Variants in TBC1D1 observed in about 807,000 individuals in gnomAD.
The protein encoded by TBC1D1 is TBC1 domain family member 1.
TBC1D1 carries 89 observed loss-of-function variants against 125.6 expected under a neutral mutation model. That is an observed-to-expected ratio of 0.71 (90% CI 0.60 to 0.85). TBC1D1 has a LOEUF of 0.85. Among genes scored for constraint, TBC1D1 ranks in the 40% least tolerant of loss-of-function variants. The probability of loss-of-function intolerance (pLI) is 0.00; values close to 1 mark genes in which losing one functional copy is unlikely to be tolerated. For synonymous variants in TBC1D1, 565 were observed against 564.1 expected (o/e 1.00, Z -0.02); for missense variants, 1,377 against 1,469.2 (o/e 0.94, Z 1.03).
chr4:38,112,526 A>C (rs1334304360), intron 15 of TBC1D1, among the ~76,000 whole-genome samples: 1 of 152,062 alleles, frequency 6.6e-6, no homozygotes, highest in Non-Finnish European at 1.5e-5. Context: ...TGTACTCTCC[A>C]CTCTGCAAAC....
At chr4:38,097,226 G>C (rs540616678) in intron 14 of TBC1D1, among the ~76,000 whole-genome samples, 6 of 152,026 alleles carry the variant, frequency 3.9e-5, no homozygotes, top group Non-Finnish European at 8.8e-5. Flanking sequence ...GCAATGGCGC[G>C]ATCTCAGCTC....
At chr4:37,999,101 T>C (rs1030202781) in intron 2 of TBC1D1, among the ~76,000 whole-genome samples, 2 of 151,908 alleles carry the variant, frequency 1.3e-5, no homozygotes, top group Admixed American at 6.6e-5. Context: ...ATACAAAAAT[T>C]AGTCGGGTGT....
rs111739601 is a variant in TBC1D1, at chr4:38,002,569, A to G, written c.418-11940A>G. Among the ~76,000 whole-genome samples, 253 of 152,312 alleles carry G rather than the reference A, an allele frequency of 1.7e-3. 2 individuals are homozygous for G. Among genetic ancestry groups the G allele is most frequent in the African/African-American group, 5.0e-3 (206 of 41,564 alleles). On this transcript the variant is annotated intron_variant, in intron 2 of 19. Coordinates refer to ENST00000261439, the MANE Select transcript of TBC1D1 (RefSeq NM_015173.4). Reference sequence around the variant, plus strand: ...AGTCATTAGATCGTTTTGCATTGCAATCATTTATACATTGAGCAGACTTAT... The same window carrying G: ...AGTCATTAGATCGTTTTGCATTGCAGTCATTTATACATTGAGCAGACTTAT...
chr4:38,050,336 G>T (rs1345034818), intron 11 of TBC1D1, among the ~76,000 whole-genome samples: 4 of 152,168 alleles, frequency 2.6e-5, no homozygotes, highest in Non-Finnish European at 5.9e-5. Flanking sequence ...TCAGCTTCTG[G>T]TCCTAGCTCT....
intron 1 of TBC1D1, among the ~76,000 whole-genome samples, chr4:37,895,533 A>T (rs1357195220): frequency 6.6e-6 from 1 of 151,908 alleles, no homozygotes. Context: ...ACGAAATCTC[A>T]TCTCTACCAA....
intron 2 of TBC1D1, among the ~76,000 whole-genome samples, chr4:37,951,349 A>T (rs946753899): frequency 2.6e-5 from 4 of 152,092 alleles, no homozygotes; most frequent in African/African-American, 9.7e-5. Context: ...GGGTGATGGA[A>T]CCTGGGAGTT....
chr4:38,081,604 C>T (rs1756571759), intron 12 of TBC1D1, among the ~76,000 whole-genome samples: 1 of 151,904 alleles, frequency 6.6e-6, no homozygotes, highest in Non-Finnish European at 1.5e-5. Flanking sequence ...AAGATTTTGC[C>T]AAATAGATTA....
chr4:38,063,807 T>TAC (rs1423386035), intron 12 of TBC1D1, among the ~76,000 whole-genome samples: 2 of 152,252 alleles, frequency 1.3e-5, no homozygotes, highest in Non-Finnish European at 2.9e-5. Flanking sequence ...TTTTATATGT[T>TAC]TACTAGAGAC....
intron 2 of TBC1D1, among the ~76,000 whole-genome samples, chr4:37,911,290 C>A (rs940048895): frequency 1.3e-5 from 2 of 152,134 alleles, no homozygotes; most frequent in Non-Finnish European, 2.9e-5. Flanking sequence ...AGCTAAATCT[C>A]TTGTTTCTCG....
rs561208235 is a variant in TBC1D1, at chr4:37,906,144, C to G, written c.417+3632C>G. Among the ~76,000 whole-genome samples, 4 of 149,868 alleles carry G rather than the reference C, an allele frequency of 2.7e-5. No homozygotes were observed. The South Asian group carries it at 8.3e-4, about 31-fold the overall frequency. On this transcript the variant is annotated intron_variant, in intron 2 of 19. Transcript: ENST00000261439. ...CATCTTCAATATTGTCTCGTCCCTT[C>G]TTTTTCTTTTCCCCCCCGCTTGAGA...
At chr4:38,043,296 T>TA (rs989119002) in intron 8 of TBC1D1, among the ~76,000 whole-genome samples, 93 of 148,926 alleles carry the variant, frequency 6.2e-4, no homozygotes, top group South Asian at 1.5e-3. Flanking sequence ...TGTTGCATAT[T>TA]AAAAAAAAAA....
intron 12 of TBC1D1, among the ~76,000 whole-genome samples, chr4:38,064,224 T>TCCTTTAC (rs1185322065): frequency 2.0e-5 from 3 of 152,252 alleles, no homozygotes; most frequent in Non-Finnish European, 4.4e-5. Flanking sequence ...ATATGGTTTA[T>TCCTTTAC]CCTTTACCAG....
chr4:37,983,355 T>C (rs999813441), intron 2 of TBC1D1, among the ~76,000 whole-genome samples: 3 of 152,034 alleles, frequency 2.0e-5, no homozygotes, highest in Non-Finnish European at 4.4e-5. Flanking sequence ...CCTCGTGATC[T>C]ACCTGCCTCG....
At chr4:38,004,168 C>G (rs1486434579) in intron 2 of TBC1D1, among the ~76,000 whole-genome samples, 1 of 152,220 alleles carries the variant, frequency 6.6e-6, no homozygotes, top group Non-Finnish European at 1.5e-5. Flanking sequence ...AGCTGCCTAG[C>G]AGTTAGGGCT....
In TBC1D1 at chr4:38,014,982, T is replaced by C. The variant is rs781589903; in HGVS notation, c.882+9T>C. ...GAACTATGCTCTTCACGGTAAAATA[T>C]CACCCAGCTCGTGCACAGCCCCAGT... On this transcript the variant is annotated intron_variant, in intron 3 of 19. Coordinates refer to ENST00000261439, the MANE Select transcript of TBC1D1 (RefSeq NM_015173.4). The surrounding 1 kb of genome is among the most constrained non-coding windows in gnomAD (Gnocchi z 5.1). The C allele has an allele frequency of 2.0e-6, 3 of 1,521,650 alleles. No homozygotes were observed. Among genetic ancestry groups the C allele is most frequent in the Non-Finnish European group, 1.8e-6 (2 of 1,132,494 alleles). 94.3% of individuals were successfully genotyped at this position (1,521,650 alleles called of 1,614,324 possible). A position where few individuals can be genotyped will look rare whatever the true frequency, so the allele number is the denominator to read the frequency against.
At chr4:38,116,291 A>C (rs896964960) in intron 16 of TBC1D1, among the ~76,000 whole-genome samples, 6 of 152,142 alleles carry the variant, frequency 3.9e-5, no homozygotes, top group African/African-American at 1.4e-4. Context: ...ATCAGCCATC[A>C]GATGATCTCA....
chr4:38,088,502 A>G (rs760662368), intron 12 of TBC1D1, among the ~76,000 whole-genome samples: 21 of 152,222 alleles, frequency 1.4e-4, no homozygotes, highest in Non-Finnish European at 2.9e-4. Flanking sequence ...GGGTGTCAGC[A>G]GCTGTGCTCA....
chr4:38,076,794 G>A (rs1755669646), intron 12 of TBC1D1, among the ~76,000 whole-genome samples: 1 of 151,452 alleles, frequency 6.6e-6, no homozygotes, highest in African/African-American at 2.4e-5. Flanking sequence ...ATTTTTTTCA[G>A]GAGGAAAAAA....
intron 10 of TBC1D1, among the ~76,000 whole-genome samples, chr4:38,046,353 CAGAG>C (rs528197299): frequency 2.0e-5 from 3 of 148,884 alleles, no homozygotes; most frequent in African/African-American, 5.0e-5. Flanking sequence ...GCCTGTGTGA[CAGAG>C]AGAGACTCTG....
Sources: allele counts gnomAD v4.1 joint callset (sites outside exome capture counted in the v4.1 genomes callset), GRCh38; gene constraint gnomAD v4.1.1; non-coding constraint Gnocchi (gnomAD v3.1); transcripts MANE v1.5; gene names NCBI Gene and HGNC (gene_info 2026-07-23, HGNC 2026-07-21).